Variants in ADGRG7 observed in about 807,000 individuals in gnomAD.
The protein encoded by ADGRG7 is G-protein coupled receptor 128.
Under a neutral mutation model 88.6 loss-of-function variants are expected in ADGRG7, and 82 were observed. The ratio of observed to expected loss-of-function variants is 0.93; its 90% CI spans 0.77 to 1.11. The LOEUF is 1.11. Ranked by LOEUF, ADGRG7 falls within the 50% of genes most tolerant of loss-of-function variation. The pLI, the probability that ADGRG7 is intolerant of heterozygous loss-of-function variation, is 0.00. For missense variants in ADGRG7, 945 were observed against 953.4 expected (o/e 0.99, Z 0.12); for synonymous variants, 381 against 345.2 (o/e 1.10, Z -1.15).
Position 100,655,911 on chromosome 3 carries a change from T to C in ADGRG7, c.1739T>C (p.Ile580Thr). The C allele has an allele frequency of 1.9e-6, 3 of 1,590,214 alleles. No individual in the cohort carries two copies. Among genetic ancestry groups the C allele is most frequent in the South Asian group, 1.1e-5 (1 of 90,378 alleles). ...ISLIGWGVPAIVVAITVGVIY... is the reference protein window; with the variant it reads ...ISLIGWGVPATVVAITVGVIY... ...CTTTATCACATAGGAGTCCCAGCTATAGTAGTGGCTATAACAGTGGGAGTT... is the reference window on the plus strand; with the variant it reads ...CTTTATCACATAGGAGTCCCAGCTACAGTAGTGGCTATAACAGTGGGAGTT... The change falls in exon 13 of 16, where the codon ATA becomes ACA. Residue 580 changes from isoleucine (I) to threonine (T), a missense_variant. Transcript: ENST00000273352.
chr3:100,637,573 G>GCCTCTGGAATGTA, intron 6 of ADGRG7, 171 bp downstream of exon 6: 1 of 585,254 alleles, frequency 1.7e-6, no homozygotes, highest in Non-Finnish European at 3.1e-6. Flanking sequence ...GTTACTAGAT[G>GCCTCTGGAATGTA]GAGTGGTATA....
At chr3:100,692,147 T>C (rs1193995306) in intron 15 of ADGRG7, among the ~76,000 whole-genome samples, 1 of 152,230 alleles carries the variant, frequency 6.6e-6, no homozygotes, top group East Asian at 1.9e-4. Context: ...GACTATATAA[T>C]GCAGTGTGGG....
At chr3:100,648,238 T>C (rs1707788779) in intron 10 of ADGRG7, among the ~76,000 whole-genome samples, 1 of 152,208 alleles carries the variant, frequency 6.6e-6, no homozygotes, top group African/African-American at 2.4e-5. Context: ...TATCTGACTG[T>C]CTCAATGTCT....
intron 1 of ADGRG7, among the ~76,000 whole-genome samples, chr3:100,622,768 T>G (rs147944218): frequency 6.6e-6 from 1 of 152,118 alleles, no homozygotes; most frequent in Admixed American, 6.6e-5. Flanking sequence ...CTTCTTTTTT[T>G]TCCTTTTTTT....
At chr3:100,686,886 C>T (rs1468683666) in intron 15 of ADGRG7, among the ~76,000 whole-genome samples, 1 of 152,032 alleles carries the variant, frequency 6.6e-6, no homozygotes, top group Non-Finnish European at 1.5e-5. Flanking sequence ...TATGAACGAA[C>T]TTTAAAGTAG....
intron 1 of ADGRG7, among the ~76,000 whole-genome samples, chr3:100,620,701 A>G (rs572226754): frequency 6.6e-6 from 1 of 152,346 alleles, no homozygotes; most frequent in East Asian, 1.9e-4. Flanking sequence ...TAAACACTGG[A>G]GAATCTGTCC....
intron 15 of ADGRG7, among the ~76,000 whole-genome samples, chr3:100,673,099 C>G (rs1227352766): frequency 1.3e-5 from 2 of 152,270 alleles, no homozygotes; most frequent in Admixed American, 1.3e-4. Context: ...AGAATTCTCT[C>G]TCTTTCAATT....
At chr3:100,692,681 T>C (rs1398776302) in intron 15 of ADGRG7, among the ~76,000 whole-genome samples, 2 of 152,232 alleles carry the variant, frequency 1.3e-5, no homozygotes, top group Admixed American at 6.5e-5. Context: ...GAAAATCACA[T>C]AACCTCTGTG....
At chr3:100,676,934 T>G (rs577816489) in intron 15 of ADGRG7, among the ~76,000 whole-genome samples, 1 of 152,198 alleles carries the variant, frequency 6.6e-6, no homozygotes, top group Non-Finnish European at 1.5e-5. Flanking sequence ...CTTTTTCGGT[T>G]TCTGTGGAGT....
chr3:100,643,680 T>C lies in ADGRG7; in HGVS notation c.946+47T>C, dbSNP rs550995863. On this transcript the variant is annotated intron_variant, in intron 8 of 15. Transcript: ENST00000273352. ...ATTTAAAAAAATGGACTCGAATTCA[T>C]GGAACTAATAACTTCTAATTTACTC... 4.5e-5 allele frequency: 56 copies of C among 1,235,220 alleles called. No individual in the cohort carries two copies. In the South Asian group the frequency reaches 6.6e-4, roughly 15 times the overall value. 76.5% of individuals were successfully genotyped at this position (1,235,220 alleles called of 1,614,324 possible). A position where few individuals can be genotyped will look rare whatever the true frequency, so the allele number is the denominator to read the frequency against.
chr3:100,642,797 TC>T (rs1418686708), intron 6 of ADGRG7, among the ~76,000 whole-genome samples: 4 of 152,218 alleles, frequency 2.6e-5, no homozygotes, highest in Non-Finnish European at 4.4e-5. Flanking sequence ...GGTGGTTCCA[TC>T]TGAACTGTCA....
intron 15 of ADGRG7, among the ~76,000 whole-genome samples, chr3:100,678,180 T>C (rs2094968131): frequency 6.6e-6 from 1 of 152,082 alleles, no homozygotes; most frequent in Non-Finnish European, 1.5e-5. Flanking sequence ...TCACTCATTC[T>C]TTCTTCTGCT....
chr3:100,657,165 A>G (rs572869663), intron 13 of ADGRG7, among the ~76,000 whole-genome samples: 1 of 152,286 alleles, frequency 6.6e-6, no homozygotes, highest in South Asian at 2.1e-4. Context: ...GAGGCAACTG[A>G]TAATAAGAGA....
chr3:100,695,102 G>A lies in ADGRG7; in HGVS notation c.*101G>A, dbSNP rs2095000203. The A allele has an allele frequency of 1.6e-6, 2 of 1,248,938 alleles. No individual in the cohort carries two copies. The highest frequency in any genetic ancestry group is 2.3e-5 in the East Asian group (1 of 42,736). 77.4% of individuals were successfully genotyped at this position (1,248,938 alleles called of 1,614,324 possible). A position where few individuals can be genotyped will look rare whatever the true frequency, so the allele number is the denominator to read the frequency against. On this transcript the variant is annotated 3_prime_UTR_variant, in exon 16 of 16. Coordinates refer to ENST00000273352, the MANE Select transcript of ADGRG7 (RefSeq NM_032787.3). ...GTCCTCTCAGAAAGTCTTCCTCAAT[G>A]TATTTTGCTCAGGATTAAGAATTAG...
chr3:100,617,629 G>C (rs867379352), intron 1 of ADGRG7, among the ~76,000 whole-genome samples: 1 of 152,266 alleles, frequency 6.6e-6, no homozygotes, highest in Middle Eastern at 3.4e-3. Context: ...GGACATTTGG[G>C]TTGGTTCCAA....
intron 15 of ADGRG7, among the ~76,000 whole-genome samples, chr3:100,691,744 TTAAC>T (rs2094994264): frequency 8.4e-6 from 1 of 119,360 alleles, no homozygotes; most frequent in Admixed American, 9.3e-5. Flanking sequence ...TCTAGCCTTA[TTAAC>T]TATCAACTAA....
chr3:100,664,682 A>G (rs1315100518), intron 14 of ADGRG7, among the ~76,000 whole-genome samples: 1 of 152,190 alleles, frequency 6.6e-6, no homozygotes, highest in Non-Finnish European at 1.5e-5. Flanking sequence ...AACTGCTAAT[A>G]TCCAGTATTT....
At chr3:100,644,974 G>C (rs1707716523) in intron 8 of ADGRG7, among the ~76,000 whole-genome samples, 1 of 152,220 alleles carries the variant, frequency 6.6e-6, no homozygotes, top group Admixed American at 6.5e-5. Flanking sequence ...TTTCTCTCCA[G>C]GTAGAGGCTC....
At position 100,656,089 on chromosome 3, in the gene ADGRG7, C is replaced by T. The variant is rs557165458; in HGVS notation, c.1823+94C>T. 34 of 690,586 alleles carry T rather than the reference C, an allele frequency of 4.9e-5. No homozygotes were observed. In the South Asian group the frequency reaches 7.0e-4, roughly 14 times the overall value. The allele number at this position is 690,586 out of a possible 1,614,324, so 42.8% of individuals were successfully genotyped here. ...CCGAGTGTCACTGTAATTTGCATTT[C>T]ACTTTATAATTGTCATGTTTAGTGG... On this transcript the variant is annotated intron_variant, in intron 13 of 15. Coordinates refer to ENST00000273352, the MANE Select transcript of ADGRG7 (RefSeq NM_032787.3).
Sources: allele counts gnomAD v4.1 joint callset (sites outside exome capture counted in the v4.1 genomes callset), GRCh38; gene constraint gnomAD v4.1.1; transcripts MANE v1.5; gene names NCBI Gene and HGNC (gene_info 2026-07-23, HGNC 2026-07-21).